The following PRKAR2B variants were observed in gnomAD, a reference collection of about 807,000 sequenced individuals.
PRKAR2B encodes the protein cAMP-dependent protein kinase type II-beta regulatory subunit.
A neutral mutation model predicts 49.9 loss-of-function variants in PRKAR2B; 14 were observed. The observed-to-expected ratio is 0.28, with a 90% confidence interval of 0.19 to 0.44. The LOEUF (loss-of-function observed/expected upper bound fraction) is 0.44, where lower values mean the gene tolerates loss of function less well. Ranked by LOEUF, PRKAR2B falls within the 20% of genes least tolerant of loss-of-function variation. PRKAR2B has a pLI of 1.00. For synonymous variants in PRKAR2B, 196 were observed against 197.7 expected (o/e 0.99, Z 0.07); for missense variants, 393 against 537.9 (o/e 0.73, Z 2.67).
intron 1 of PRKAR2B, chr7:107,068,615 T>G (rs1192633351): frequency 6.6e-6 from 1 of 152,170 alleles, no homozygotes; most frequent in African/African-American, 2.4e-5. Flanking sequence ...TAGTAAATAT[T>G]GTATGTCTTT....
At chr7:107,131,572 G>A (rs942502380) in intron 4 of PRKAR2B, among the ~76,000 whole-genome samples, 4 of 152,182 alleles carry the variant, frequency 2.6e-5, no homozygotes, top group African/African-American at 9.7e-5. Flanking sequence ...ATGATCGAAT[G>A]TTTTATAGAG....
intron 7 of PRKAR2B, among the ~76,000 whole-genome samples, chr7:107,151,797 A>G (rs1464907104): frequency 6.6e-6 from 1 of 152,138 alleles, no homozygotes; most frequent in Non-Finnish European, 1.5e-5. Flanking sequence ...GCATATCGCT[A>G]GCCTGGGAGA....
intron 2 of PRKAR2B, among the ~76,000 whole-genome samples, chr7:107,083,686 C>T (rs1212153489): frequency 6.6e-6 from 1 of 152,122 alleles, no homozygotes; most frequent in Non-Finnish European, 1.5e-5. Flanking sequence ...GATCTCGGCT[C>T]ACTGCAACCT....
chr7:107,144,721 A>G (rs1795857178), intron 5 of PRKAR2B, among the ~76,000 whole-genome samples: 1 of 151,690 alleles, frequency 6.6e-6, no homozygotes, highest in Non-Finnish European at 1.5e-5. Flanking sequence ...GCCTCCCAAA[A>G]CATTGGAATT....
At chr7:107,057,197 C>T (rs1466893567) in intron 1 of PRKAR2B, among the ~76,000 whole-genome samples, 1 of 152,188 alleles carries the variant, frequency 6.6e-6, no homozygotes, top group Non-Finnish European at 1.5e-5. Context: ...AGTTTTTCCT[C>T]TAGCTCCAGC....
chr7:107,090,921 A>G (rs1794722380), intron 2 of PRKAR2B, among the ~76,000 whole-genome samples: 1 of 152,258 alleles, frequency 6.6e-6, no homozygotes, highest in African/African-American at 2.4e-5. Context: ...TAGCTACTAA[A>G]GGAAAAGGTC....
At chr7:107,073,953 T>A (rs367746791) in intron 2 of PRKAR2B, among the ~76,000 whole-genome samples, 3 of 151,868 alleles carry the variant, frequency 2.0e-5, no homozygotes, top group African/African-American at 7.3e-5. Flanking sequence ...TCCCAGTTAC[T>A]CGGGAGGCTG....
At chr7:107,073,482 G>C (rs547641474) in intron 2 of PRKAR2B, among the ~76,000 whole-genome samples, 1 of 152,232 alleles carries the variant, frequency 6.6e-6, no homozygotes, top group African/African-American at 2.4e-5. Flanking sequence ...GGAGTGGAAG[G>C]CATGTAGAAA....
intron 2 of PRKAR2B, among the ~76,000 whole-genome samples, chr7:107,086,691 G>A (rs1794626576): frequency 6.6e-6 from 1 of 151,928 alleles, no homozygotes; most frequent in South Asian, 2.1e-4. Context: ...TGAACTCCTG[G>A]GGCTCAAGTG....
chr7:107,097,219 G>A (rs1217913926), intron 2 of PRKAR2B, among the ~76,000 whole-genome samples: 1 of 152,182 alleles, frequency 6.6e-6, no homozygotes, highest in East Asian at 1.9e-4. Context: ...ATACATTTAG[G>A]ATAGTTAGCT....
In PRKAR2B at chr7:107,128,297, T is replaced by G; in HGVS notation, c.480+2T>G. The G allele has an allele frequency of 1.3e-6, 2 of 1,599,584 alleles. No homozygotes were observed. The highest frequency in any genetic ancestry group is 1.7e-6 in the Non-Finnish European group (2 of 1,166,802). ...CTGCTGTTTAAGAATCTGGATCCGG[T>G]AAGATAAATCTTAATAATAGAAATG... On this transcript the variant is annotated splice_donor_variant, in intron 4 of 10. Transcript: ENST00000265717. LOFTEE classifies it high-confidence loss of function.
chr7:107,052,003 C>G (rs1450410321), intron 1 of PRKAR2B, among the ~76,000 whole-genome samples: 1 of 152,118 alleles, frequency 6.6e-6, no homozygotes. Flanking sequence ...GCCGTTTGTT[C>G]CATTTGTTCT....
At chr7:107,077,291 G>A (rs1794416628) in intron 2 of PRKAR2B, 1 of 152,060 alleles carries the variant, frequency 6.6e-6, no homozygotes, top group South Asian at 2.1e-4. Flanking sequence ...TACAGTGCTG[G>A]GGATGCCACG....
chr7:107,131,812 T>TA (rs1795608889), intron 4 of PRKAR2B, among the ~76,000 whole-genome samples: 1 of 152,268 alleles, frequency 6.6e-6, no homozygotes, highest in African/African-American at 2.4e-5. Flanking sequence ...AGTAGCTTTC[T>TA]AGTTTTTTAT....
At chr7:107,134,149 C>A (rs1795655487) in intron 4 of PRKAR2B, among the ~76,000 whole-genome samples, 1 of 152,026 alleles carries the variant, frequency 6.6e-6, no homozygotes, top group South Asian at 2.1e-4. Context: ...GTACCTCAGC[C>A]TTCTGAGTAG....
intron 2 of PRKAR2B, among the ~76,000 whole-genome samples, chr7:107,082,620 G>C (rs947202657): frequency 2.2e-4 from 33 of 151,896 alleles, no homozygotes; most frequent in Non-Finnish European, 1.0e-4. Flanking sequence ...TTTTGAGATG[G>C]AGTCTCGCTC....
chr7:107,100,493 G>T (rs717099), intron 2 of PRKAR2B, among the ~76,000 whole-genome samples: 1 of 151,930 alleles, frequency 6.6e-6, no homozygotes, highest in Non-Finnish European at 1.5e-5. Flanking sequence ...TGTTTATTCT[G>T]TGCTGAGGTT....
At chr7:107,094,188 T>C (rs1794791086) in intron 2 of PRKAR2B, among the ~76,000 whole-genome samples, 1 of 152,230 alleles carries the variant, frequency 6.6e-6, no homozygotes, top group Admixed American at 6.5e-5. Context: ...TTCCTGACTT[T>C]TTAATGATCG....
chr7:107,135,369 T>C (rs1259133753), intron 4 of PRKAR2B, among the ~76,000 whole-genome samples: 1 of 152,158 alleles, frequency 6.6e-6, no homozygotes, highest in East Asian at 1.9e-4. Context: ...CTTTTCAACA[T>C]AGTGCTGAAA....
Sources: gnomAD v4.1 joint callset for allele counts (sites outside exome capture counted in the v4.1 genomes callset) on GRCh38, gnomAD v4.1.1 for gene constraint, MANE v1.5 for transcripts, NCBI Gene and HGNC (gene_info 2026-07-23, HGNC 2026-07-21) for gene names.